Variants in ZBTB1 observed in about 807,000 individuals in gnomAD.
ZBTB1 encodes the protein zinc finger and BTB domain-containing protein 1.
A neutral mutation model predicts 51.6 loss-of-function variants in ZBTB1; 13 were observed. The ratio of observed to expected loss-of-function variants is 0.25; its 90% CI spans 0.16 to 0.40. The LOEUF (loss-of-function observed/expected upper bound fraction) is 0.40, where lower values mean the gene tolerates loss of function less well. Among genes scored for constraint, ZBTB1 ranks in the 10% least tolerant of loss-of-function variants. ZBTB1 has a pLI of 1.00. For missense variants in ZBTB1, 567 were observed against 856.5 expected, an observed-to-expected ratio of 0.66 and a Z score of 4.22; for synonymous variants, 240 against 282.2, an observed-to-expected ratio of 0.85 and a Z score of 1.50.
In ZBTB1 at chr14:64,524,443, A is replaced by G. The variant is rs1049334666; in HGVS notation, c.*797A>G. 1 of 793,606 alleles carries G rather than the reference A, an allele frequency of 1.3e-6. No individual in the cohort carries two copies. The highest frequency in any genetic ancestry group is 1.9e-5 in the African/African-American group (1 of 53,338). The allele number at this position is 793,606 out of a possible 1,614,324, so 49.2% of individuals were successfully genotyped here. The stretch of plus-strand genomic sequence containing the variant: ...GACATATCTTGTATTCATTAAAAAT[A>G]TTTTAATTTAAAATATTCTGATTTC... On this transcript the variant is annotated 3_prime_UTR_variant, in exon 2 of 2. Coordinates refer to ENST00000683701, the MANE Select transcript of ZBTB1 (RefSeq NM_001123329.2).
chr14:64,512,760 A>G (rs1302290751), intron 1 of ZBTB1, among the ~76,000 whole-genome samples: 1 of 152,192 alleles, frequency 6.6e-6, no homozygotes, highest in African/African-American at 2.4e-5. Context: ...AAAACCTCTT[A>G]TCTTTGGGAG....
At chr14:64,525,150 G>C (rs118018788), downstream of ZBTB1, among the ~76,000 whole-genome samples, 806 of 152,272 alleles carry the variant, frequency 5.3e-3, 26 homozygotes, top group Admixed American at 0.038. Context: ...CAAAAGAACT[G>C]AGAGACATAC....
rs1242148637 is a variant in ZBTB1 at position 64,523,072 on chromosome 14, AAAAG to A, written c.1569_1572del (p.Lys523AsnfsTer25). On this transcript the variant is annotated frameshift_variant, in exon 2 of 2. Transcript: ENST00000683701. LOFTEE classifies it high-confidence loss of function. This position sits in a 1 kb window ranked among gnomAD's most constrained non-coding sequence, Gnocchi z 4.5. ...CATTACCAGATAAACAGTATCCAAA[AAAAG>A]CAGTTATTTAAACATTCTGCCTGCC... is the stretch of plus-strand genomic sequence containing the variant. 6.2e-7 allele frequency: 1 copy of A among 1,614,118 alleles called. No individual in the cohort carries two copies. The highest frequency in any genetic ancestry group is 8.5e-7 in the Non-Finnish European group (1 of 1,180,038).
chr14:64,520,007 T>C (rs2079843635), intron 1 of ZBTB1, among the ~76,000 whole-genome samples: 1 of 151,872 alleles, frequency 6.6e-6, no homozygotes, highest in Non-Finnish European at 1.5e-5. Flanking sequence ...GTTGTTGTTG[T>C]TGTTGTTGTT....
chr14:64,514,219 GA>G (rs2079756310), intron 1 of ZBTB1: 1 of 152,128 alleles, frequency 6.6e-6, no homozygotes, highest in African/African-American at 2.4e-5. Context: ...ATAAGACATA[GA>G]AATAGGTAAA....
In ZBTB1 at chr14:64,524,726, A is replaced by C; in HGVS notation, c.*1080A>C. ...GTCTAAGATTTGGAGGAAATGTGGC[A>C]AATTGCAGTTTATCGCCATATTTTA... is the stretch of plus-strand genomic sequence containing the variant. On this transcript the variant is annotated 3_prime_UTR_variant, in exon 2 of 2. Transcript: ENST00000683701. 1 of 984,472 alleles carries C rather than the reference A, an allele frequency of 1.0e-6. No individual in the cohort carries two copies. Among genetic ancestry groups the C allele is most frequent in the Non-Finnish European group, 1.2e-6 (1 of 829,050 alleles). 61.0% of individuals were successfully genotyped at this position (984,472 alleles called of 1,614,324 possible). A position where few individuals can be genotyped will look rare whatever the true frequency, so the allele number is the denominator to read the frequency against.
At chr14:64,533,027 CTATT>C (rs1280102268) in exon 3 of ZBTB1, 16 of 152,032 alleles carry the variant, frequency 1.1e-4, no homozygotes, top group African/African-American at 3.9e-4. Context: ...ATTTTTATGA[CTATT>C]TATTCCAATG....
chr14:64,507,350 G>T (rs555808850), intron 1 of ZBTB1, among the ~76,000 whole-genome samples: 22 of 152,074 alleles, frequency 1.4e-4, no homozygotes, highest in Non-Finnish European at 2.8e-4. Flanking sequence ...AGGGTTACTC[G>T]TGTCTATTTT....
At chr14:64,507,690 G>A (rs1479951166) in intron 1 of ZBTB1, among the ~76,000 whole-genome samples, 1 of 152,186 alleles carries the variant, frequency 6.6e-6, no homozygotes, top group Non-Finnish European at 1.5e-5. Flanking sequence ...TAACTGGGCT[G>A]CTATTTTAGG....
intron 2 of ZBTB1, among the ~76,000 whole-genome samples, chr14:64,531,368 C>T (rs1160856042): frequency 1.3e-5 from 2 of 152,054 alleles, no homozygotes; most frequent in East Asian, 3.8e-4. Flanking sequence ...GAAAACCCCT[C>T]CTCTTCTTTT....
chr14:64,510,641 T>C (rs1339704843), intron 1 of ZBTB1, among the ~76,000 whole-genome samples: 1 of 152,162 alleles, frequency 6.6e-6, no homozygotes, highest in Non-Finnish European at 1.5e-5. Flanking sequence ...ATGAGCAGTT[T>C]TATGTTGCTT....
chr14:64,512,184 G>T (rs143664598), intron 1 of ZBTB1, among the ~76,000 whole-genome samples: 5 of 152,202 alleles, frequency 3.3e-5, no homozygotes, highest in Non-Finnish European at 7.3e-5. Flanking sequence ...CCTCTGAGAA[G>T]TATGATTATC....
intron 1 of ZBTB1, among the ~76,000 whole-genome samples, chr14:64,519,053 T>C (rs1204378358): frequency 6.7e-6 from 1 of 150,340 alleles, no homozygotes; most frequent in Non-Finnish European, 1.5e-5. Flanking sequence ...TGAAGGTATA[T>C]AATCCAGAGT....
intron 1 of ZBTB1, among the ~76,000 whole-genome samples, chr14:64,517,173 G>A (rs1328680083): frequency 1.3e-5 from 2 of 152,106 alleles, no homozygotes; most frequent in Non-Finnish European, 2.9e-5. Flanking sequence ...ATTATTACAT[G>A]CCAAGCACGA....
chr14:64,518,318 A>G (rs2140144567), intron 1 of ZBTB1: 1 of 152,336 alleles, frequency 6.6e-6, no homozygotes, highest in East Asian at 1.9e-4. Context: ...AGCTTTTTAC[A>G]GATACCTGAG....
chr14:64,504,022 A>C (rs1008628462), upstream of ZBTB1: 1 of 152,076 alleles, frequency 6.6e-6, no homozygotes, highest in Non-Finnish European at 1.5e-5. Flanking sequence ...CCCCACAAAC[A>C]ACCGCGTGAC....
At chr14:64,508,011 T>A (rs746037764) in intron 1 of ZBTB1, among the ~76,000 whole-genome samples, 5 of 152,118 alleles carry the variant, frequency 3.3e-5, no homozygotes, top group African/African-American at 7.2e-5. Context: ...TGACCGCTGT[T>A]TTCAGATGTG....
chr14:64,530,707 G>A (rs988180091), intron 2 of ZBTB1, among the ~76,000 whole-genome samples: 2 of 152,052 alleles, frequency 1.3e-5, no homozygotes, highest in Admixed American at 6.5e-5. Flanking sequence ...TCTTACTTAA[G>A]TTGTTCTCTT....
chr14:64,530,149 T>G (rs1345162064), intron 2 of ZBTB1, among the ~76,000 whole-genome samples: 1 of 152,246 alleles, frequency 6.6e-6, no homozygotes, highest in African/African-American at 2.4e-5. Context: ...TATACTACTA[T>G]GTTAAACCTA....
Sources: allele counts gnomAD v4.1 joint callset (sites outside exome capture counted in the v4.1 genomes callset), GRCh38; gene constraint gnomAD v4.1.1; non-coding constraint Gnocchi (gnomAD v3.1); transcripts MANE v1.5; gene names NCBI Gene and HGNC (gene_info 2026-07-23, HGNC 2026-07-21).